Variants in DLGAP2 observed in about 807,000 individuals in gnomAD.
The protein encoded by DLGAP2 is disks large-associated protein 2.
Under a neutral mutation model 100.3 loss-of-function variants are expected in DLGAP2, and 26 were observed. The observed-to-expected ratio is 0.26, with a 90% CI of 0.19 to 0.36. The LOEUF (loss-of-function observed/expected upper bound fraction) is 0.36. DLGAP2 is among the 10% of genes least tolerant of loss of function. The pLI is 1.00. For synonymous variants in DLGAP2, 886 were observed against 630.1 expected (o/e 1.41, Z -6.08); for missense variants, 1,858 against 1,453.2 (o/e 1.28, Z -4.53).
At chr8:998,298 TAGTC>T (rs746771885) in intron 2 of DLGAP2, among the ~76,000 whole-genome samples, 4 of 152,180 alleles carry the variant, frequency 2.6e-5, no homozygotes, top group Non-Finnish European at 4.4e-5. Context: ...TCTTTACTTT[TAGTC>T]AGTTTATCTA....
At chr8:748,708 C>G (rs1360369383) in intron 1 of DLGAP2, among the ~76,000 whole-genome samples, 1 of 152,232 alleles carries the variant, frequency 6.6e-6, no homozygotes, top group Non-Finnish European at 1.5e-5. Flanking sequence ...CACAGGTGTT[C>G]TGCACTGCCC....
At chr8:1,136,066 T>C (rs1796404071) in intron 2 of DLGAP2, among the ~76,000 whole-genome samples, 1 of 152,124 alleles carries the variant, frequency 6.6e-6, no homozygotes, top group South Asian at 2.1e-4. Context: ...CCCAACCTGC[T>C]CATGAAAAAT....
Position 769,401 on chromosome 8 carries a change from C to T in DLGAP2, c.18+31576C>T, listed in dbSNP as rs371784373. On this transcript the variant is annotated intron_variant, in intron 1 of 14. Transcript: ENST00000637795. ...GTGGGATGCCCCATAACAAGCAAAA[C>T]GGCGGCAGACAGGAAGCATAGCCAT... Among the ~76,000 whole-genome samples, 10 of 151,942 alleles carry T rather than the reference C, an allele frequency of 6.6e-5. No homozygotes were observed. The East Asian group carries it at 1.6e-3, about 24-fold the overall frequency.
chr8:1,335,121 G>C (rs1563089892), intron 3 of DLGAP2, among the ~76,000 whole-genome samples: 2 of 152,194 alleles, frequency 1.3e-5, no homozygotes, highest in Admixed American at 1.3e-4. Flanking sequence ...CCTCATCCAA[G>C]ACACGGTGGT....
chr8:1,365,752 G>A (rs1032772095), intron 3 of DLGAP2, among the ~76,000 whole-genome samples: 3 of 152,194 alleles, frequency 2.0e-5, no homozygotes, highest in African/African-American at 7.2e-5. Flanking sequence ...GAGTTCTGAG[G>A]CCCACGCGGA....
Position 919,843 on chromosome 8 carries a change from A to T in DLGAP2, c.73+11877A>T, listed in dbSNP as rs188176132. ...GAATATTTTCTTCCATTTCCTCACT[A>T]CTGAAATCTTTCCCTTTACTAAGAA... On this transcript the variant is annotated intron_variant, in intron 2 of 14. Coordinates refer to ENST00000637795, the MANE Select transcript of DLGAP2 (RefSeq NM_001346810.2). Among the ~76,000 whole-genome samples, 23 of 152,220 alleles carry T rather than the reference A, an allele frequency of 1.5e-4. 1 individual carries two copies. Among genetic ancestry groups the T allele is most frequent in the Middle Eastern group, 6.8e-3 (2 of 294 alleles).
At chr8:1,327,109 G>C (rs746480203) in intron 3 of DLGAP2, among the ~76,000 whole-genome samples, 157 of 152,370 alleles carry the variant, frequency 1.0e-3, no homozygotes, top group Non-Finnish European at 1.1e-3. Flanking sequence ...CGTCTCCTGA[G>C]AGCGGAGCCT....
At chr8:816,478 C>A (rs148361150) in intron 1 of DLGAP2, among the ~76,000 whole-genome samples, 41 of 152,152 alleles carry the variant, frequency 2.7e-4, no homozygotes, top group African/African-American at 9.9e-4. Flanking sequence ...CCTTCATTTA[C>A]GAAGCTTAGT....
intron 1 of DLGAP2, among the ~76,000 whole-genome samples, chr8:751,410 A>G (rs1820785407): frequency 6.6e-6 from 1 of 152,232 alleles, no homozygotes; most frequent in Non-Finnish European, 1.5e-5. Context: ...ACAGTCGCTC[A>G]GGAGGTGTCG....
Position 1,641,735 on chromosome 8 carries a change from C to T in DLGAP2, c.1810+8689C>T, listed in dbSNP as rs371863272. 1.4e-3 allele frequency among the ~76,000 whole-genome samples: 219 copies of T among 152,240 alleles called. 1 individual carries two copies. Among genetic ancestry groups the T allele is most frequent in the African/African-American group, 4.8e-3 (199 of 41,518 alleles). The stretch of plus-strand genomic sequence containing the variant: ...AAAGGATTCCTAATTGGTCATTTAA[C>T]ATCTTATCACCCAGAAAAGTAATGG... On this transcript the variant is annotated intron_variant, in intron 8 of 14. Coordinates refer to ENST00000637795, the MANE Select transcript of DLGAP2 (RefSeq NM_001346810.2).
chr8:749,549 C>A (rs1820739824), intron 1 of DLGAP2, among the ~76,000 whole-genome samples: 1 of 151,936 alleles, frequency 6.6e-6, no homozygotes, highest in Non-Finnish European at 1.5e-5. Context: ...GTGTAATGTT[C>A]CCGTATGGAG....
chr8:1,183,259 C>CAA (rs1797430290), intron 2 of DLGAP2, among the ~76,000 whole-genome samples: 1 of 151,902 alleles, frequency 6.6e-6, no homozygotes, highest in African/African-American at 2.4e-5. Flanking sequence ...TGGAGGTTCA[C>CAA]GGAAGGGGAG....
intron 8 of DLGAP2, among the ~76,000 whole-genome samples, chr8:1,647,419 G>A (rs188384047): frequency 3.5e-5 from 5 of 144,510 alleles, no homozygotes; most frequent in Admixed American, 7.3e-5. Context: ...AACCCGGGAG[G>A]CAGAGCTTGC....
intron 6 of DLGAP2, among the ~76,000 whole-genome samples, chr8:1,576,488 C>G (rs1378624815): frequency 6.6e-6 from 1 of 152,160 alleles, no homozygotes; most frequent in Non-Finnish European, 1.5e-5. Flanking sequence ...TCCCATTTGT[C>G]AATTTTTGCT....
At chr8:1,542,780 G>A (rs1801406201) in intron 4 of DLGAP2, among the ~76,000 whole-genome samples, 1 of 152,114 alleles carries the variant, frequency 6.6e-6, no homozygotes, top group African/African-American at 2.4e-5. Context: ...GGGGCTTTTG[G>A]TGACTCTGTG....
chr8:787,380 C>T (rs1211184355), intron 1 of DLGAP2, among the ~76,000 whole-genome samples: 4 of 152,330 alleles, frequency 2.6e-5, no homozygotes, highest in East Asian at 1.9e-4. Flanking sequence ...TAGCCATGCT[C>T]GTTGCAAGCC....
At chr8:1,209,154 T>A (rs1266372831) in intron 2 of DLGAP2, among the ~76,000 whole-genome samples, 1 of 152,058 alleles carries the variant, frequency 6.6e-6, no homozygotes, top group Non-Finnish European at 1.5e-5. Flanking sequence ...AAAACAATCC[T>A]AAAATTCATA....
intron 3 of DLGAP2, among the ~76,000 whole-genome samples, chr8:1,303,341 G>C (rs1486772064): frequency 6.7e-6 from 1 of 149,540 alleles, no homozygotes; most frequent in African/African-American, 2.5e-5. Flanking sequence ...AGCTTGCACA[G>C]AGCCGAGATC....
At chr8:1,590,241 G>C (rs1205789105) in intron 6 of DLGAP2, among the ~76,000 whole-genome samples, 1 of 152,200 alleles carries the variant, frequency 6.6e-6, no homozygotes, top group Non-Finnish European at 1.5e-5. Flanking sequence ...GTCATGTTCT[G>C]AGGCACTGGG....
Sources: gnomAD v4.1 joint callset for allele counts (sites outside exome capture counted in the v4.1 genomes callset) on GRCh38, gnomAD v4.1.1 for gene constraint, MANE v1.5 for transcripts, NCBI Gene and HGNC (gene_info 2026-07-23, HGNC 2026-07-21) for gene names.